Variants in SEMA5A observed in about 807,000 individuals in gnomAD.
SEMA5A encodes the protein semaphorin-5A.
SEMA5A carries 55 observed loss-of-function variants against 135.5 expected under a neutral mutation model. The observed-to-expected ratio is 0.41, with a 90% CI of 0.33 to 0.51. The LOEUF (loss-of-function observed/expected upper bound fraction) is 0.51, where lower values mean the gene tolerates loss of function less well. Among genes scored for constraint, SEMA5A ranks in the 20% least tolerant of loss-of-function variants. SEMA5A has a pLI of 0.37. For missense variants in SEMA5A, 1,290 were observed against 1,419.9 expected (o/e 0.91, Z 1.47); for synonymous variants, 580 against 546.5 (o/e 1.06, Z -0.85).
intron 5 of SEMA5A, among the ~76,000 whole-genome samples, chr5:9,296,714 C>G (rs1240862260): frequency 6.6e-6 from 1 of 151,700 alleles, no homozygotes; most frequent in African/African-American, 2.4e-5. Context: ...GCAGGCCGGT[C>G]AAAAAGTAAA....
chr5:9,119,952 T>A (rs1740723563), intron 14 of SEMA5A, among the ~76,000 whole-genome samples: 2 of 152,128 alleles, frequency 1.3e-5, no homozygotes, highest in Non-Finnish European at 2.9e-5. Flanking sequence ...AAAATTTTTT[T>A]AATTCTATTG....
Position 9,041,423 on chromosome 5 carries a change from T to C in SEMA5A, c.*1474A>G, listed in dbSNP as rs1295922240. ...GAACTTTTTCAGTCGTGTTCTTTTT[T>C]TCAATAATTATTCAACCAACTGCCA... On this transcript the variant is annotated 3_prime_UTR_variant, in exon 23 of 23. Transcript: ENST00000382496. 6.6e-6 allele frequency: 1 copy of C among 152,244 alleles called. No individual in the cohort carries two copies. Among genetic ancestry groups the C allele is most frequent in the Non-Finnish European group, 1.5e-5 (1 of 68,048 alleles). The allele number at this position is 152,244 out of a possible 1,614,324, so 9.4% of individuals were successfully genotyped here. A position where few individuals can be genotyped will look rare whatever the true frequency, so the allele number is the denominator to read the frequency against.
chr5:9,163,846 C>T (rs1004428023), intron 11 of SEMA5A, among the ~76,000 whole-genome samples: 4 of 151,732 alleles, frequency 2.6e-5, no homozygotes, highest in African/African-American at 7.3e-5. Context: ...GGAGAGGCCT[C>T]AGGAGAAACC....
intron 1 of SEMA5A, among the ~76,000 whole-genome samples, chr5:9,528,958 G>A (rs1737291136): frequency 6.6e-6 from 1 of 152,214 alleles, no homozygotes; most frequent in Admixed American, 6.5e-5. Flanking sequence ...ACCAGGCAGG[G>A]CTTTAGGGAT....
intron 5 of SEMA5A, among the ~76,000 whole-genome samples, chr5:9,257,883 C>T (rs1749165596): frequency 6.6e-6 from 1 of 152,088 alleles, no homozygotes; most frequent in Non-Finnish European, 1.5e-5. Context: ...CAGCTCTGTA[C>T]CCAGTAACTG....
At chr5:9,352,246 C>T (rs1412091598) in intron 3 of SEMA5A, among the ~76,000 whole-genome samples, 1 of 152,084 alleles carries the variant, frequency 6.6e-6, no homozygotes, top group Non-Finnish European at 1.5e-5. Flanking sequence ...CCTTAATAAC[C>T]TCACTAACCT....
intron 3 of SEMA5A, among the ~76,000 whole-genome samples, chr5:9,358,736 C>T (rs1215762510): frequency 1.3e-5 from 2 of 152,060 alleles, no homozygotes; most frequent in Non-Finnish European, 2.9e-5. Flanking sequence ...TTCAGTGCAC[C>T]CTCTATGTTG....
chr5:9,098,153 GA>G (rs1266067055), intron 16 of SEMA5A, among the ~76,000 whole-genome samples: 1 of 151,934 alleles, frequency 6.6e-6, no homozygotes, highest in Non-Finnish European at 1.5e-5. Context: ...TGAGGCAGAA[GA>G]ATCACTTGAA....
intron 6 of SEMA5A, among the ~76,000 whole-genome samples, chr5:9,235,337 C>A (rs1435167798): frequency 6.6e-6 from 1 of 152,188 alleles, no homozygotes; most frequent in African/African-American, 2.4e-5. Flanking sequence ...AATAAATTTG[C>A]CATTTTGGAA....
chr5:9,225,321 A>C (rs1242445349), intron 7 of SEMA5A, among the ~76,000 whole-genome samples: 2 of 148,284 alleles, frequency 1.3e-5, no homozygotes, highest in African/African-American at 5.0e-5. Context: ...TGGGAGGCTG[A>C]AGCGGGCAGA....
At position 9,300,870 on chromosome 5, in the gene SEMA5A, C is replaced by T. The variant is rs186252828; in HGVS notation, c.270+17502G>A. ...CTGGAGCCACTAGAACTGGAAAAGG[C>T]GATGAAGCTTTCTCCCCTAGAGTCT... On this transcript the variant is annotated intron_variant, in intron 5 of 22. Coordinates refer to ENST00000382496, the MANE Select transcript of SEMA5A (RefSeq NM_003966.3). Among the ~76,000 whole-genome samples the T allele has an allele frequency of 3.5e-3, 535 of 152,292 alleles. 2 individuals carry two copies. Among genetic ancestry groups the T allele is most frequent in the Admixed American group, 7.5e-3 (114 of 15,296 alleles).
At chr5:9,189,695 G>C (rs1157907860) in intron 11 of SEMA5A, among the ~76,000 whole-genome samples, 1 of 152,164 alleles carries the variant, frequency 6.6e-6, no homozygotes, top group South Asian at 2.1e-4. Context: ...AACTGAGATG[G>C]AACATGCTTT....
At chr5:9,353,060 GA>G (rs1406407538) in intron 3 of SEMA5A, among the ~76,000 whole-genome samples, 1 of 36,528 alleles carries the variant, frequency 2.7e-5, no homozygotes. Context: ...GAAAGGAAAG[GA>G]AGGAAAGGAA....
intron 12 of SEMA5A, among the ~76,000 whole-genome samples, chr5:9,138,769 C>T (rs1049441091): frequency 6.6e-6 from 1 of 152,134 alleles, no homozygotes; most frequent in Non-Finnish European, 1.5e-5. Context: ...CTACACTTTG[C>T]CCCTGAGTCC....
chr5:9,321,966 G>A (rs1752645987), intron 4 of SEMA5A, among the ~76,000 whole-genome samples: 1 of 152,144 alleles, frequency 6.6e-6, no homozygotes, highest in South Asian at 2.1e-4. Context: ...CTTGAGAAAA[G>A]ACGATAGCAC....
chr5:9,154,062 A>AATATAT (rs1553993746), intron 12 of SEMA5A, among the ~76,000 whole-genome samples: 6 of 68,290 alleles, frequency 8.8e-5, no homozygotes, highest in African/African-American at 2.4e-4. Flanking sequence ...AAAAAAAAAA[A>AATATAT]ATATATATAT....
At chr5:9,251,515 T>C (rs1050564087) in intron 5 of SEMA5A, among the ~76,000 whole-genome samples, 6 of 152,206 alleles carry the variant, frequency 3.9e-5, no homozygotes, top group Admixed American at 6.5e-5. Flanking sequence ...ACTTTAGGTA[T>C]GACTCTGATT....
chr5:9,116,887 C>A (rs1036929524), intron 15 of SEMA5A, among the ~76,000 whole-genome samples: 1 of 152,180 alleles, frequency 6.6e-6, no homozygotes, highest in Non-Finnish European at 1.5e-5. Flanking sequence ...ATCTAAGAAC[C>A]TATTGCTTAT....
intron 11 of SEMA5A, among the ~76,000 whole-genome samples, chr5:9,178,492 C>A (rs545319298): frequency 6.6e-6 from 1 of 151,922 alleles, no homozygotes; most frequent in Non-Finnish European, 1.5e-5. Flanking sequence ...CCCCCACACC[C>A]GGCTACTTTT....
Sources: gnomAD v4.1 joint callset for allele counts (sites outside exome capture counted in the v4.1 genomes callset) on GRCh38, gnomAD v4.1.1 for gene constraint, MANE v1.5 for transcripts, NCBI Gene and HGNC (gene_info 2026-07-23, HGNC 2026-07-21) for gene names.